MCTP2: variants seen among roughly 807,000 people sequenced by gnomAD.
The protein encoded by MCTP2 is multiple C2 and transmembrane domain-containing protein 2.
A neutral mutation model predicts 111.6 loss-of-function variants in MCTP2; 132 were observed. That is an observed-to-expected ratio of 1.18 (90% confidence interval 1.03 to 1.37). The LOEUF is 1.37. Among genes scored for constraint, MCTP2 ranks in the 40% most tolerant of loss-of-function variants. The pLI, the probability that MCTP2 is intolerant of heterozygous loss-of-function variation, is 0.00. For synonymous variants in MCTP2, 395 were observed against 387.7 expected, an observed-to-expected ratio of 1.02 and a Z score of -0.22; for missense variants, 1,183 against 1,067.9, an observed-to-expected ratio of 1.11 and a Z score of -1.50.
Position 94,356,149 on chromosome 15 carries a change from C to T in MCTP2, c.1018C>T (p.Arg340Cys), listed in dbSNP as rs779316690. 148 of 1,595,900 alleles carry T rather than the reference C, an allele frequency of 9.3e-5. No individual in the cohort carries two copies. Among genetic ancestry groups the T allele is most frequent in the Middle Eastern group, 1.7e-4 (1 of 6,020 alleles). Reference protein sequence around the residue: ...RLSASKSSLIRNLRLSESLKK... With the variant: ...RLSASKSSLICNLRLSESLKK... ...TTTTTTGCTTTAGTCCTCTTTGATA[C>T]GCAACCTACGGCTCTCTGAGTCCTT... Residue 340 changes from arginine to cysteine, a missense_variant, in exon 9 of 23, where the codon CGC becomes TGC. Arg to Cys is a radical substitution (Grantham distance 180). Coordinates refer to ENST00000357742, the MANE Select transcript of MCTP2 (RefSeq NM_001385001.1).
intron 8 of MCTP2, among the ~76,000 whole-genome samples, chr15:94,347,228 A>G (rs2078032818): frequency 6.6e-6 from 1 of 152,202 alleles, no homozygotes; most frequent in South Asian, 2.1e-4. Flanking sequence ...AACCTGTAAA[A>G]GTAGTTAAAA....
chr15:94,337,600 A>G lies in MCTP2; in HGVS notation c.638-1690A>G, dbSNP rs145577694. 3.5e-3 allele frequency among the ~76,000 whole-genome samples: 533 copies of G among 151,926 alleles called. 5 individuals are homozygous for G. Among genetic ancestry groups the G allele is most frequent in the African/African-American group, 0.012 (487 of 41,328 alleles). On this transcript the variant is annotated intron_variant, in intron 4 of 22. Coordinates refer to ENST00000357742, the MANE Select transcript of MCTP2 (RefSeq NM_001385001.1). ...GTGGGCGACTGTACTCTCACTAGTGAGCATTTCACTGAATGGCTGTGAATG... is the reference window on the plus strand; with the variant it reads ...GTGGGCGACTGTACTCTCACTAGTGGGCATTTCACTGAATGGCTGTGAATG...
Position 94,479,239 on chromosome 15 carries a change from G to A in MCTP2, c.*205G>A, listed in dbSNP as rs2074607118. On this transcript the variant is annotated 3_prime_UTR_variant, in exon 23 of 23. Coordinates refer to ENST00000357742, the MANE Select transcript of MCTP2 (RefSeq NM_001385001.1). ...CATGGGTGTCCTAGTTGCGTAGAGGGTCAGCCCAGCGAAAAGCAACAACCC... is the reference window on the plus strand; with the variant it reads ...CATGGGTGTCCTAGTTGCGTAGAGGATCAGCCCAGCGAAAAGCAACAACCC... The A allele has an allele frequency of 1.7e-6, 1 of 593,024 alleles. No homozygotes were observed. The highest frequency in any genetic ancestry group is 2.1e-5 in the South Asian group (1 of 48,540). The allele number at this position is 593,024 out of a possible 1,614,324, so 36.7% of individuals were successfully genotyped here.
chr15:94,258,034 ATTTTTTTT>A (rs60905293), intron 1 of MCTP2, among the ~76,000 whole-genome samples: 8 of 98,990 alleles, frequency 8.1e-5, no homozygotes, highest in African/African-American at 3.2e-4. Context: ...CCACCATGTC[ATTTTTTTT>A]TTTTTTTTTT....
intron 1 of MCTP2, among the ~76,000 whole-genome samples, chr15:94,258,620 A>G (rs544390343): frequency 5.3e-5 from 8 of 152,214 alleles, no homozygotes; most frequent in Non-Finnish European, 1.0e-4. Context: ...CGAAAACCCT[A>G]TTTAAATCAC....
rs914530967 is a variant in MCTP2 at position 94,481,286 on chromosome 15, C to A, written c.*2252C>A. 3 of 152,186 alleles carry A rather than the reference C, an allele frequency of 2.0e-5. No individual in the cohort carries two copies. Among genetic ancestry groups the A allele is most frequent in the African/African-American group, 7.2e-5 (3 of 41,434 alleles). 9.4% of individuals were successfully genotyped at this position (152,186 alleles called of 1,614,324 possible). On this transcript the variant is annotated 3_prime_UTR_variant, in exon 23 of 23. Transcript: ENST00000357742. Reference sequence around the variant, plus strand: ...CATCTGTCTCTCCCTGTCTTCAGAACCCCAACCCTCATAATCTCCTTCCAG... The same window carrying A: ...CATCTGTCTCTCCCTGTCTTCAGAAACCCAACCCTCATAATCTCCTTCCAG...
chr15:94,357,342 C>T (rs181937333), intron 9 of MCTP2, among the ~76,000 whole-genome samples: 6 of 152,304 alleles, frequency 3.9e-5, no homozygotes, highest in Admixed American at 3.9e-4. Flanking sequence ...CTTTGCCTCA[C>T]AGTGAGGGTA....
chr15:94,355,531 G>A (rs768056513), intron 8 of MCTP2, among the ~76,000 whole-genome samples: 9 of 152,216 alleles, frequency 5.9e-5, no homozygotes, highest in Non-Finnish European at 8.8e-5. Flanking sequence ...GGTCCCAGGT[G>A]CAGTGAGATG....
At chr15:94,234,026 C>T (rs998099857) in intron 1 of MCTP2, among the ~76,000 whole-genome samples, 17 of 152,120 alleles carry the variant, frequency 1.1e-4, no homozygotes, top group Non-Finnish European at 2.2e-4. Context: ...AATCTTGGCA[C>T]AGATTTTTTT....
At chr15:94,464,903 C>T (rs1051671333) in intron 20 of MCTP2, among the ~76,000 whole-genome samples, 4 of 151,962 alleles carry the variant, frequency 2.6e-5, no homozygotes, top group Non-Finnish European at 5.9e-5. Context: ...TGTCAATTTT[C>T]CATGTGAGCT....
intron 8 of MCTP2, 127 bp from the exon 9 acceptor site, chr15:94,356,010 A>G (rs2078602030): frequency 7.3e-7 from 1 of 1,366,592 alleles, no homozygotes; most frequent in African/African-American, 1.5e-5. Context: ...TGAAAAAAAC[A>G]GTTTTCCCCA....
intron 1 of MCTP2, among the ~76,000 whole-genome samples, chr15:94,265,022 A>G (rs145780902): frequency 3.7e-4 from 57 of 152,166 alleles, no homozygotes; most frequent in African/African-American, 1.4e-3. Context: ...TTTCCTTGTT[A>G]TAGGGCACTT....
intron 1 of MCTP2, among the ~76,000 whole-genome samples, chr15:94,275,029 A>G (rs1288875172): frequency 6.6e-6 from 1 of 152,240 alleles, no homozygotes; most frequent in Non-Finnish European, 1.5e-5. Context: ...AGATCAGTAT[A>G]GTTTCTCACA....
At chr15:94,452,625 T>A (rs1204124925) in intron 19 of MCTP2, among the ~76,000 whole-genome samples, 1 of 152,196 alleles carries the variant, frequency 6.6e-6, no homozygotes, top group Non-Finnish European at 1.5e-5. Flanking sequence ...CCACCACAGT[T>A]GTTGGTGCTG....
intron 8 of MCTP2, among the ~76,000 whole-genome samples, chr15:94,347,055 C>T (rs560263233): frequency 3.0e-3 from 452 of 152,168 alleles, no homozygotes; most frequent in Non-Finnish European, 4.4e-3. Flanking sequence ...TTGAAAGCTA[C>T]TTATGCTCTT....
chr15:94,483,263 A>G lies in MCTP2; in HGVS notation c.*4229A>G, dbSNP rs2074814602. ...TTATACATTGTTGGTTGGAGTGTAA[A>G]TTAGTTCAACCGCTGTGGAAGACAG... On this transcript the variant is annotated 3_prime_UTR_variant, in exon 23 of 23. Transcript: ENST00000357742. 6.6e-6 allele frequency: 1 copy of G among 152,218 alleles called. No individual in the cohort carries two copies. The highest frequency in any genetic ancestry group is 1.5e-5 in the Non-Finnish European group (1 of 68,048). 9.4% of individuals were successfully genotyped at this position (152,218 alleles called of 1,614,324 possible).
chr15:94,343,024 A>G (rs986906293), intron 7 of MCTP2: 11 of 127,544 alleles, frequency 8.6e-5, no homozygotes, highest in Non-Finnish European at 1.8e-4. Context: ...ATACCTATAT[A>G]TATATACATA....
chr15:94,240,245 T>G (rs1164203325), intron 1 of MCTP2, among the ~76,000 whole-genome samples: 1 of 152,162 alleles, frequency 6.6e-6, no homozygotes, highest in Non-Finnish European at 1.5e-5. Context: ...CCCTATTAGA[T>G]AGGAATCATC....
chr15:94,350,215 C>T (rs2078229468), intron 8 of MCTP2, among the ~76,000 whole-genome samples: 1 of 152,192 alleles, frequency 6.6e-6, no homozygotes, highest in Non-Finnish European at 1.5e-5. Context: ...GGCCATGGCT[C>T]TGGCTCCTAA....
Sources: allele counts gnomAD v4.1 joint callset (sites outside exome capture counted in the v4.1 genomes callset), GRCh38; gene constraint gnomAD v4.1.1; transcripts MANE v1.5; gene names NCBI Gene and HGNC (gene_info 2026-07-23, HGNC 2026-07-21).